The following ARAP1 variants were observed in gnomAD, a reference collection of about 807,000 sequenced individuals.
ARAP1 encodes the protein arf-GAP with Rho-GAP domain, ANK repeat and PH domain-containing protein 1.
In ARAP1, 76 loss-of-function variants were observed where a neutral mutation model predicts 172.2. That is an observed-to-expected ratio of 0.44 (90% CI 0.37 to 0.53). The LOEUF (loss-of-function observed/expected upper bound fraction) is 0.53. Ranked by LOEUF, ARAP1 falls within the 20% of genes least tolerant of loss-of-function variation. The pLI, the probability that ARAP1 is intolerant of heterozygous loss-of-function variation, is 0.00. For missense variants in ARAP1, 1,686 were observed against 1,977.5 expected (o/e 0.85, Z 2.80); for synonymous variants, 804 against 803.3 (o/e 1.00, Z -0.01).
At chr11:72,714,047 G>C in intron 4 of ARAP1, 105 bp downstream of exon 4, 1 of 1,260,946 alleles carries the variant, frequency 7.9e-7, no homozygotes, top group Non-Finnish European at 1.0e-6. Context: ...GCTGGTGGCA[G>C]GCTTGCACAG....
intron 27 of ARAP1, among the ~76,000 whole-genome samples, chr11:72,694,159 C>T (rs187259934): frequency 5.3e-5 from 8 of 151,258 alleles, no homozygotes; most frequent in Non-Finnish European, 7.4e-5. Flanking sequence ...ATCCACACGT[C>T]GAATCTCTCT....
intron 14 of ARAP1, chr11:72,703,436 T>C (rs910446714): frequency 2.2e-5 from 4 of 182,634 alleles, no homozygotes; most frequent in South Asian, 1.5e-4. Context: ...TGTAGCTAAT[T>C]CCTCCCACAT....
chr11:72,687,510 G>A lies in ARAP1; in HGVS notation c.4122-8C>T, dbSNP rs760347741. The stretch of plus-strand genomic sequence containing the variant: ...GTGTCACAGCAGAGGTACCTGCAGG[G>A]TTGGACGCGGACCCACATGATGCCA... On this transcript the variant is annotated splice_polypyrimidine_tract_variant and splice_region_variant and intron_variant, in intron 32 of 34. Transcript: ENST00000393609. 1 of 1,614,158 alleles carries A rather than the reference G, an allele frequency of 6.2e-7. No individual in the cohort carries two copies. Among genetic ancestry groups the A allele is most frequent in the South Asian group, 1.1e-5 (1 of 91,086 alleles).
At chr11:72,703,866 T>C in intron 14 of ARAP1, 3 of 448,356 alleles carry the variant, frequency 6.7e-6, no homozygotes, top group Non-Finnish European at 8.0e-6. Context: ...TTTGGCAGGA[T>C]TCAGAAGCAA....
intron 20 of ARAP1, 24 bp downstream of exon 20, chr11:72,697,574 C>A (rs1450864394): frequency 9.9e-6 from 16 of 1,613,782 alleles, no homozygotes; most frequent in East Asian, 2.2e-5. Context: ...CTTCTCAGAG[C>A]CCCTCAGGGA....
At chr11:72,701,220 G>T (rs1001494206) in intron 16 of ARAP1, among the ~76,000 whole-genome samples, 2 of 151,908 alleles carry the variant, frequency 1.3e-5, no homozygotes, top group South Asian at 2.1e-4. Context: ...GAGTGATTAG[G>T]GGGGTGGTTC....
intron 30 of ARAP1, among the ~76,000 whole-genome samples, chr11:72,692,204 T>C (rs560380538): frequency 1.3e-5 from 2 of 152,138 alleles, no homozygotes; most frequent in South Asian, 2.1e-4. Context: ...AGTATCCCCC[T>C]AGGAACAGGG....
At chr11:72,745,509 A>G (rs1038056224) in intron 1 of ARAP1, among the ~76,000 whole-genome samples, 11 of 151,792 alleles carry the variant, frequency 7.2e-5, no homozygotes, top group African/African-American at 2.2e-4. Flanking sequence ...TGGCCACCCG[A>G]GAGACCAAGT....
At chr11:72,709,124 G>A (rs1188769569) in intron 11 of ARAP1, among the ~76,000 whole-genome samples, 1 of 152,052 alleles carries the variant, frequency 6.6e-6, no homozygotes, top group Non-Finnish European at 1.5e-5. Context: ...AGAACAGGGA[G>A]CTGAAAAGGG....
Position 72,697,665 on chromosome 11 carries a change from T to C in ARAP1, c.2738-16A>G, listed in dbSNP as rs773639843. ...CCCTGGATGGCTGTGGAGGGGTTAG[T>C]CAAGGTGAGGCCCAGGTCTTGCTCC... is the stretch of plus-strand genomic sequence containing the variant. On this transcript the variant is annotated splice_polypyrimidine_tract_variant and intron_variant, in intron 19 of 34. Transcript: ENST00000393609. 1.2e-6 allele frequency: 2 copies of C among 1,613,954 alleles called. No individual in the cohort carries two copies.
At position 72,697,233 on chromosome 11, in the gene ARAP1, CAT is replaced by C. The variant is rs1329186889; in HGVS notation, c.2954-40_2954-39del. 4.0e-6 allele frequency: 6 copies of C among 1,498,072 alleles called. No homozygotes were observed. In the African/African-American group the frequency reaches 7.0e-5, roughly 18 times the overall value. 92.8% of individuals were successfully genotyped at this position (1,498,072 alleles called of 1,614,324 possible). A position where few individuals can be genotyped will look rare whatever the true frequency, so the allele number is the denominator to read the frequency against. On this transcript the variant is annotated intron_variant, in intron 21 of 34. Coordinates refer to ENST00000393609, the MANE Select transcript of ARAP1 (RefSeq NM_001040118.3). Reference sequence around the variant, plus strand: ...GGGGCCAAGCGTTCGGGGCCTGAGGCATAGAGTCATGGGGCGGGGCCGCGCAG... The same window carrying C: ...GGGGCCAAGCGTTCGGGGCCTGAGGCAGAGTCATGGGGCGGGGCCGCGCAG...
chr11:72,738,261 G>C (rs1280167986), intron 1 of ARAP1, among the ~76,000 whole-genome samples: 2 of 152,172 alleles, frequency 1.3e-5, no homozygotes, highest in African/African-American at 2.4e-5. Context: ...AGGCTCAATG[G>C]CTGGCCCTCC....
chr11:72,707,601 G>A (rs187324553), intron 11 of ARAP1, among the ~76,000 whole-genome samples: 112 of 152,322 alleles, frequency 7.4e-4, no homozygotes, highest in African/African-American at 2.6e-3. Context: ...TGCCCAGCCC[G>A]CAGAATGAAG....
intron 32 of ARAP1, 90 bp from the exon 33 acceptor site, chr11:72,687,592 T>A: frequency 6.2e-7 from 1 of 1,611,836 alleles, no homozygotes. Flanking sequence ...GGTCTGCTAG[T>A]GGTCACAGAT....
At chr11:72,745,891 G>T (rs1214398201) in intron 1 of ARAP1, among the ~76,000 whole-genome samples, 1 of 152,144 alleles carries the variant, frequency 6.6e-6, no homozygotes, top group African/African-American at 2.4e-5. Flanking sequence ...CAGCTGCTGT[G>T]CCCACAGGCC....
Position 72,710,674 on chromosome 11 carries a change from C to T in ARAP1, c.1214-87G>A. 1 of 1,358,464 alleles carries T rather than the reference C, an allele frequency of 7.4e-7. No homozygotes were observed. Among genetic ancestry groups the T allele is most frequent in the Non-Finnish European group, 9.8e-7 (1 of 1,016,670 alleles). The allele number at this position is 1,358,464 out of a possible 1,614,324, so 84.2% of individuals were successfully genotyped here. The stretch of plus-strand genomic sequence containing the variant: ...GCCCTAGGCTCCTCATGCAACACCT[C>T]CTCCAGAAAGCCCACTCAGATGCCC... On this transcript the variant is annotated intron_variant, in intron 9 of 34. Transcript: ENST00000393609. This position sits in a 1 kb window ranked among gnomAD's most constrained non-coding sequence, Gnocchi z 4.3.
intron 1 of ARAP1, among the ~76,000 whole-genome samples, chr11:72,737,287 G>T (rs543145073): frequency 6.6e-6 from 1 of 152,148 alleles, no homozygotes; most frequent in Non-Finnish European, 1.5e-5. Context: ...GGTAAGGGTC[G>T]CCTGGAATCT....
At chr11:72,703,616 T>C (rs1591192217) in intron 14 of ARAP1, among the ~76,000 whole-genome samples, 1 of 151,662 alleles carries the variant, frequency 6.6e-6, no homozygotes, top group East Asian at 1.9e-4. Flanking sequence ...GGAGGGGCGG[T>C]TTGGGGGAGG....
In ARAP1 at chr11:72,704,240, GTGCTGGGGCTGC is replaced by G; in HGVS notation, c.1892_1903del (p.Ser631_Ser634del). 1 of 1,613,702 alleles carries G rather than the reference GTGCTGGGGCTGC, an allele frequency of 6.2e-7. No individual in the cohort carries two copies. The highest frequency in any genetic ancestry group is 8.5e-7 in the Non-Finnish European group (1 of 1,179,880). On this transcript the variant is annotated inframe_deletion, in exon 14 of 35. Coordinates refer to ENST00000393609, the MANE Select transcript of ARAP1 (RefSeq NM_001040118.3). ...CTTGGCCTCCAGGTGGCACCGCCGG[GTGCTGGGGCTGC>G]TGCTGGGCTGCAGGGCCTCACTGGG...
Sources: allele counts gnomAD v4.1 joint callset (sites outside exome capture counted in the v4.1 genomes callset), GRCh38; gene constraint gnomAD v4.1.1; non-coding constraint Gnocchi (gnomAD v3.1); transcripts MANE v1.5; gene names NCBI Gene and HGNC (gene_info 2026-07-23, HGNC 2026-07-21).